WWOX: variants seen among roughly 807,000 people sequenced by gnomAD.
WWOX encodes WW domain containing oxidoreductase.
A neutral mutation model predicts 46.2 loss-of-function variants in WWOX; 69 were observed. The ratio of observed to expected loss-of-function variants is 1.49; its 90% CI spans 1.23 to 1.82. The LOEUF (loss-of-function observed/expected upper bound fraction) is 1.82, where lower values mean the gene tolerates loss of function less well. Ranked by LOEUF, WWOX falls within the 40% of genes most tolerant of loss-of-function variation. WWOX has a pLI of 0.00. For missense variants in WWOX, 919 were observed against 542.6 expected (o/e 1.69, Z -6.89); for synonymous variants, 359 against 202.6 (o/e 1.77, Z -6.56).
intron 8 of WWOX, among the ~76,000 whole-genome samples, chr16:78,793,561 A>T (rs550246584): frequency 8.5e-5 from 13 of 152,340 alleles, no homozygotes; most frequent in African/African-American, 3.1e-4. Context: ...TCTGGTTATT[A>T]GCATAAAACA....
chr16:78,656,379 C>G (rs980767093), intron 8 of WWOX, among the ~76,000 whole-genome samples: 1 of 152,066 alleles, frequency 6.6e-6, no homozygotes, highest in African/African-American at 2.4e-5. Context: ...CTGAGGCTGG[C>G]TAATGTATAA....
intron 8 of WWOX, among the ~76,000 whole-genome samples, chr16:78,792,346 C>G (rs2050627991): frequency 6.6e-6 from 1 of 152,082 alleles, no homozygotes; most frequent in African/African-American, 2.4e-5. Flanking sequence ...CCACATGTAT[C>G]CTTTTCATGG....
At chr16:78,356,652 G>A (rs1018417553) in intron 5 of WWOX, among the ~76,000 whole-genome samples, 4 of 152,190 alleles carry the variant, frequency 2.6e-5, no homozygotes, top group Non-Finnish European at 5.9e-5. Flanking sequence ...GGAGGCCAAG[G>A]CGAGTGGATC....
At chr16:78,764,595 G>A (rs562588275) in intron 8 of WWOX, among the ~76,000 whole-genome samples, 2 of 141,562 alleles carry the variant, frequency 1.4e-5, no homozygotes, top group African/African-American at 2.6e-5. Flanking sequence ...GCCGTGCCCC[G>A]GGTGGGTTTG....
At chr16:78,894,725 C>T (rs1313564814) in intron 8 of WWOX, among the ~76,000 whole-genome samples, 1 of 152,088 alleles carries the variant, frequency 6.6e-6, no homozygotes, top group African/African-American at 2.4e-5. Flanking sequence ...GGCCACGTTG[C>T]AATTAAACAA....
intron 8 of WWOX, among the ~76,000 whole-genome samples, chr16:79,149,526 T>A (rs1051283025): frequency 6.6e-6 from 1 of 152,232 alleles, no homozygotes; most frequent in African/African-American, 2.4e-5. Flanking sequence ...TTGGGTGGGT[T>A]CCATTTTTGT....
intron 5 of WWOX, among the ~76,000 whole-genome samples, chr16:78,257,849 G>A (rs528132014): frequency 7.2e-5 from 11 of 152,080 alleles, no homozygotes; most frequent in South Asian, 4.2e-4. Flanking sequence ...TGTGACGTGG[G>A]ACAAATAGCC....
intron 5 of WWOX, among the ~76,000 whole-genome samples, chr16:78,356,486 G>T (rs561649194): frequency 3.7e-4 from 57 of 152,268 alleles, no homozygotes; most frequent in African/African-American, 1.3e-3. Context: ...CTAGTTTGTT[G>T]TAAGTCGCCT....
chr16:78,310,007 G>C (rs756735979), intron 5 of WWOX, among the ~76,000 whole-genome samples: 1 of 151,982 alleles, frequency 6.6e-6, no homozygotes, highest in African/African-American at 2.4e-5. Flanking sequence ...AGTTACTGTC[G>C]CTCCTGTGAT....
intron 5 of WWOX, among the ~76,000 whole-genome samples, chr16:78,218,131 T>C (rs2036781527): frequency 6.6e-6 from 1 of 152,150 alleles, no homozygotes; most frequent in Non-Finnish European, 1.5e-5. Flanking sequence ...CACAGCTCAC[T>C]GCAGCCTGTA....
intron 8 of WWOX, among the ~76,000 whole-genome samples, chr16:78,797,751 G>T (rs528270891): frequency 2.4e-4 from 36 of 152,312 alleles, no homozygotes; most frequent in Admixed American, 6.5e-4. Flanking sequence ...ACTTTGGGAG[G>T]TCGAGGCAGG....
intron 8 of WWOX, among the ~76,000 whole-genome samples, chr16:78,807,328 A>G (rs1567573808): frequency 6.6e-6 from 1 of 152,236 alleles, no homozygotes; most frequent in Non-Finnish European, 1.5e-5. Context: ...TACAGATGCC[A>G]GTGACACCCA....
At chr16:78,406,317 T>A (rs1401989524) in intron 6 of WWOX, among the ~76,000 whole-genome samples, 12 of 67,768 alleles carry the variant, frequency 1.8e-4, no homozygotes, top group South Asian at 1.2e-3. Flanking sequence ...TATATATATA[T>A]ATATATATAT....
chr16:78,302,456 A>G (rs746483976), intron 5 of WWOX, among the ~76,000 whole-genome samples: 7 of 151,984 alleles, frequency 4.6e-5, no homozygotes, highest in Non-Finnish European at 7.4e-5. Flanking sequence ...GAAGGAGAAA[A>G]CTCAGTGGAC....
intron 8 of WWOX, among the ~76,000 whole-genome samples, chr16:78,699,351 A>C (rs1337153157): frequency 6.6e-6 from 1 of 150,768 alleles, no homozygotes; most frequent in African/African-American, 2.5e-5. Context: ...CAACATGGTG[A>C]AGCCGTGTTT....
chr16:78,819,314 C>G (rs1294685301), intron 8 of WWOX, among the ~76,000 whole-genome samples: 1 of 152,238 alleles, frequency 6.6e-6, no homozygotes, highest in African/African-American at 2.4e-5. Flanking sequence ...CACACCGGAC[C>G]AAATTGAGGA....
At position 78,114,968 on chromosome 16, in the gene WWOX, T is replaced by G. The variant is rs776271651; in HGVS notation, c.231-8T>G. The G allele has an allele frequency of 3.1e-6, 5 of 1,614,176 alleles. No individual in the cohort carries two copies. Among genetic ancestry groups the G allele is most frequent in the Non-Finnish European group, 4.2e-6 (5 of 1,180,016 alleles). On this transcript the variant is annotated splice_polypyrimidine_tract_variant and splice_region_variant and intron_variant, in intron 3 of 8. Transcript: ENST00000566780. ...TGCTGTGGGTTCACTGCTTTCTCTT[T>G]TGGGCAGCCATATAAATAAAAGAAC...
rs377055690 is a variant in WWOX at position 78,432,454 on chromosome 16, T to G, written c.792-34T>G. 60 of 1,611,888 alleles carry G rather than the reference T, an allele frequency of 3.7e-5. 1 individual carries two copies. The African/African-American group carries it at 6.8e-4, about 18-fold the overall frequency. Reference sequence around the variant, plus strand: ...AAAAAGCTGTGTGGGAAGTCAGAACTTGGTTGCTTCATGTCATATTTCCTA... The same window carrying G: ...AAAAAGCTGTGTGGGAAGTCAGAACGTGGTTGCTTCATGTCATATTTCCTA... On this transcript the variant is annotated intron_variant, in intron 7 of 8. Transcript: ENST00000566780.
At chr16:78,967,580 C>T (rs1007139904) in intron 8 of WWOX, among the ~76,000 whole-genome samples, 6 of 148,656 alleles carry the variant, frequency 4.0e-5, no homozygotes, top group African/African-American at 1.5e-4. Flanking sequence ...GCTGGGATTA[C>T]AGGTGTGAGC....
Sources: allele counts gnomAD v4.1 joint callset (sites outside exome capture counted in the v4.1 genomes callset), GRCh38; gene constraint gnomAD v4.1.1; transcripts MANE v1.5; gene names NCBI Gene and HGNC (gene_info 2026-07-23, HGNC 2026-07-21).